The following IGSF21 variants were observed in gnomAD, a reference collection of about 807,000 sequenced individuals.
IGSF21 encodes immunoglobin superfamily member 21.
A neutral mutation model predicts 46.8 loss-of-function variants in IGSF21; 28 were observed. That is an observed-to-expected ratio of 0.60 (90% confidence interval 0.44 to 0.82). IGSF21 has a LOEUF of 0.82. IGSF21 is among the 40% of genes least tolerant of loss of function. IGSF21 has a pLI of 0.00. For missense variants in IGSF21, 624 were observed against 665.5 expected (o/e 0.94, Z 0.69); for synonymous variants, 284 against 273.6 (o/e 1.04, Z -0.38).
intron 2 of IGSF21, among the ~76,000 whole-genome samples, chr1:18,273,462 C>CTCTTTCTTTATT (rs1553159596): frequency 1.6e-5 from 1 of 61,954 alleles, no homozygotes; most frequent in South Asian, 5.7e-4. Context: ...TTCTTTCTCT[C>CTCTTTCTTTATT]TCTTTCTTTC....
chr1:18,156,315 C>T (rs2086567530), intron 1 of IGSF21, among the ~76,000 whole-genome samples: 1 of 152,208 alleles, frequency 6.6e-6, no homozygotes, highest in African/African-American at 2.4e-5. Context: ...CCTGTGCCCA[C>T]TGGGCACTCC....
intron 6 of IGSF21, among the ~76,000 whole-genome samples, chr1:18,369,711 C>A (rs977560304): frequency 6.6e-6 from 1 of 152,172 alleles, no homozygotes; most frequent in Non-Finnish European, 1.5e-5. Flanking sequence ...ATCAGGCCAA[C>A]GAGGGTGGGA....
At chr1:18,177,407 GT>G (rs2086812480) in intron 1 of IGSF21, among the ~76,000 whole-genome samples, 1 of 151,298 alleles carries the variant, frequency 6.6e-6, no homozygotes, top group Non-Finnish European at 1.5e-5. Context: ...GTGTGTGTGT[GT>G]GTGTGTGTGT....
chr1:18,123,690 G>C (rs550696399), intron 1 of IGSF21, among the ~76,000 whole-genome samples: 1 of 152,252 alleles, frequency 6.6e-6, no homozygotes, highest in South Asian at 2.1e-4. Context: ...AAGTAAAGAA[G>C]GGAGTGGAGG....
At chr1:18,170,353 C>T (rs144318109) in intron 1 of IGSF21, among the ~76,000 whole-genome samples, 4 of 152,098 alleles carry the variant, frequency 2.6e-5, no homozygotes, top group African/African-American at 9.6e-5. Flanking sequence ...TAAGACAAAT[C>T]GGTGGCTCCC....
chr1:18,366,418 G>A (rs1226547266), intron 6 of IGSF21, among the ~76,000 whole-genome samples: 1 of 152,054 alleles, frequency 6.6e-6, no homozygotes, highest in African/African-American at 2.4e-5. Context: ...GTCGGATCAA[G>A]GAGAGGAACC....
intron 1 of IGSF21, among the ~76,000 whole-genome samples, chr1:18,137,825 C>T (rs2086381178): frequency 2.0e-5 from 3 of 152,048 alleles, no homozygotes; most frequent in Non-Finnish European, 2.9e-5. Flanking sequence ...CTTCTAAGCG[C>T]TTATAAATAT....
intron 1 of IGSF21, among the ~76,000 whole-genome samples, chr1:18,183,128 G>A (rs1356354635): frequency 6.6e-6 from 1 of 152,212 alleles, no homozygotes; most frequent in South Asian, 2.1e-4. Flanking sequence ...AGCAGCCTCA[G>A]AAGCCCCTGA....
chr1:18,195,411 G>T (rs2086997379), intron 1 of IGSF21, among the ~76,000 whole-genome samples: 1 of 152,134 alleles, frequency 6.6e-6, no homozygotes. Context: ...AAATGAAGTT[G>T]GAATGAGGAT....
Position 18,334,752 on chromosome 1 carries a change from T to G in IGSF21, c.306-140T>G. The G allele has an allele frequency of 1.5e-6, 1 of 687,124 alleles. No individual in the cohort carries two copies. Among genetic ancestry groups the G allele is most frequent in the South Asian group, 1.6e-5 (1 of 61,822 alleles). 42.6% of individuals were successfully genotyped at this position (687,124 alleles called of 1,614,324 possible). ...CATACAGTCGGTGTTCCATAAATGCTCCCCTCCTCCCAGCCCAGCACACAG... is the reference window on the plus strand; with the variant it reads ...CATACAGTCGGTGTTCCATAAATGCGCCCCTCCTCCCAGCCCAGCACACAG... On this transcript the variant is annotated intron_variant, in intron 3 of 9. Transcript: ENST00000251296. The surrounding 1 kb of genome is among the most constrained non-coding windows in gnomAD (Gnocchi z 4.3).
chr1:18,361,000 C>G (rs2086094505), intron 4 of IGSF21, among the ~76,000 whole-genome samples: 1 of 152,008 alleles, frequency 6.6e-6, no homozygotes, highest in Non-Finnish European at 1.5e-5. Context: ...AGGGTTTTGA[C>G]AAACCAGCCA....
chr1:18,143,948 G>C (rs1404206402), intron 1 of IGSF21, among the ~76,000 whole-genome samples: 3 of 152,080 alleles, frequency 2.0e-5, no homozygotes, highest in Non-Finnish European at 1.5e-5. Context: ...TCTTTCATCA[G>C]ATTTGGGACC....
intron 6 of IGSF21, among the ~76,000 whole-genome samples, chr1:18,368,277 G>A (rs6682810): frequency 0.52 from 78,619 of 151,242 alleles, 21,897 homozygotes; most frequent in Non-Finnish European, 0.62. Flanking sequence ...AGGCCAAGGC[G>A]GGTGGATCAT....
intron 1 of IGSF21, among the ~76,000 whole-genome samples, chr1:18,211,103 C>T (rs1416927545): frequency 6.6e-6 from 1 of 152,178 alleles, no homozygotes; most frequent in Non-Finnish European, 1.5e-5. Flanking sequence ...AACTTCTGTC[C>T]TCAAGTGATC....
At chr1:18,211,573 G>C (rs2084391576) in intron 1 of IGSF21, among the ~76,000 whole-genome samples, 1 of 152,154 alleles carries the variant, frequency 6.6e-6, no homozygotes, top group Non-Finnish European at 1.5e-5. Context: ...TCTGCTTTTA[G>C]CTTCTGAGCC....
At chr1:18,130,366 A>G (rs2086307290) in intron 1 of IGSF21, among the ~76,000 whole-genome samples, 1 of 152,214 alleles carries the variant, frequency 6.6e-6, no homozygotes, top group Non-Finnish European at 1.5e-5. Context: ...CGGAGCAGTC[A>G]GGATGAACCA....
At chr1:18,240,191 G>A (rs567355922) in intron 2 of IGSF21, among the ~76,000 whole-genome samples, 9 of 152,344 alleles carry the variant, frequency 5.9e-5, no homozygotes, top group Non-Finnish European at 1.0e-4. Context: ...TGAGGTGGGA[G>A]GATGGATTGA....
chr1:18,240,717 A>AC (rs2084718854), intron 2 of IGSF21, among the ~76,000 whole-genome samples: 1 of 152,200 alleles, frequency 6.6e-6, no homozygotes, highest in Admixed American at 6.5e-5. Context: ...GAGCTTTTCA[A>AC]CCATGGATGG....
chr1:18,360,545 C>T (rs150272612), intron 4 of IGSF21, among the ~76,000 whole-genome samples: 3 of 152,028 alleles, frequency 2.0e-5, no homozygotes, highest in Admixed American at 1.3e-4. Context: ...AAATGTTTGT[C>T]GAATTTAATT....
Sources: allele counts gnomAD v4.1 joint callset (sites outside exome capture counted in the v4.1 genomes callset), GRCh38; gene constraint gnomAD v4.1.1; non-coding constraint Gnocchi (gnomAD v3.1); transcripts MANE v1.5; gene names NCBI Gene and HGNC (gene_info 2026-07-23, HGNC 2026-07-21).